Variants in SPANXN4 observed in about 807,000 individuals in gnomAD.
SPANXN4 encodes sperm protein associated with the nucleus on the X chromosome N4.
SPANXN4 carries 5 observed loss-of-function variants against 6.0 expected under a neutral mutation model. The observed-to-expected ratio is 0.83, with a 90% CI of 0.44 to 1.75. The LOEUF (loss-of-function observed/expected upper bound fraction) is 1.75, where lower values mean the gene tolerates loss of function less well. Among genes scored for constraint, SPANXN4 ranks in the 40% most tolerant of loss-of-function variants. The pLI, the probability that SPANXN4 is intolerant of heterozygous loss-of-function variation, is 0.02. For missense variants in SPANXN4, 157 were observed against 108.6 expected (o/e 1.45, Z -1.98); for synonymous variants, 45 against 38.0 (o/e 1.19, Z -0.68).
intron 1 of SPANXN4, among the ~76,000 whole-genome samples, chrX:143,029,715 C>A (rs1263845616): frequency 9.0e-6 from 1 of 110,840 alleles, no homozygotes; most frequent in African/African-American, 3.3e-5. Context: ...AAGGCATGTA[C>A]CTGCTATAAG....
chrX:143,036,663 G>T (rs752714524), downstream of SPANXN4, among the ~76,000 whole-genome samples: 1 of 111,943 alleles, frequency 8.9e-6, no homozygotes, highest in African/African-American at 3.2e-5. Context: ...TTTCTTGAAT[G>T]CTATGGCTTT....
At chrX:143,030,588 A>C (rs1027334542) in intron 1 of SPANXN4, among the ~76,000 whole-genome samples, 1 of 37,443 alleles carries the variant, frequency 2.7e-5, no homozygotes, top group East Asian at 4.6e-4. Context: ...ATTTGACTAC[A>C]TGAAAGCAAA....
intron 2 of SPANXN4, chrX:143,034,311 A>G: frequency 2.8e-6 from 3 of 1,061,664 alleles, no homozygotes; most frequent in Non-Finnish European, 3.8e-6. Context: ...TGAGGAGCTG[A>G]TGACTGTGTA....
downstream of SPANXN4, among the ~76,000 whole-genome samples, chrX:143,038,057 C>T (rs1422035063): frequency 9.0e-6 from 1 of 111,681 alleles, no homozygotes; most frequent in Non-Finnish European, 1.9e-5. Flanking sequence ...AATAGACTTT[C>T]GATAGCAGTT....
chrX:143,028,500 G>T (rs1932790714), intron 1 of SPANXN4, among the ~76,000 whole-genome samples: 1 of 111,003 alleles, frequency 9.0e-6, no homozygotes, highest in Non-Finnish European at 1.9e-5. Flanking sequence ...AATATGGAAG[G>T]CCCACTTAAT....
chrX:143,035,863 G>T (rs1449447291), downstream of SPANXN4, among the ~76,000 whole-genome samples: 1 of 107,971 alleles, frequency 9.3e-6, no homozygotes, highest in South Asian at 4.1e-4. Context: ...CTGTACATTA[G>T]ATCACTAGAC....
At chrX:143,032,025 T>C (rs900233322) in intron 1 of SPANXN4, among the ~76,000 whole-genome samples, 7 of 111,983 alleles carry the variant, frequency 6.3e-5, no homozygotes, top group African/African-American at 1.3e-4. Flanking sequence ...AGGGTCCCTA[T>C]TGGGTTATGG....
At chrX:143,034,068 T>C in exon 2 of SPANXN4, 1 of 1,179,538 alleles carries the variant, frequency 8.5e-7, no homozygotes, top group African/African-American at 1.8e-5. Flanking sequence ...GAACAGAGTT[T>C]GAAAGAGACA....
downstream of SPANXN4, among the ~76,000 whole-genome samples, chrX:143,035,698 A>G (rs1932840299): frequency 9.0e-6 from 1 of 110,574 alleles, no homozygotes; most frequent in Non-Finnish European, 1.9e-5. Flanking sequence ...GGTTTACAAC[A>G]TGTCATTATG....
intron 1 of SPANXN4, among the ~76,000 whole-genome samples, chrX:143,029,067 C>G (rs760299061): frequency 9.0e-6 from 1 of 111,011 alleles, no homozygotes; most frequent in South Asian, 3.8e-4. Context: ...TGGGTATATA[C>G]AGGTTGTATG....
At chrX:143,033,761 C>G (rs1932825527) in intron 1 of SPANXN4, among the ~76,000 whole-genome samples, 2 of 111,465 alleles carry the variant, frequency 1.8e-5, no homozygotes, top group Admixed American at 1.9e-4. Context: ...TGGCCTGAAC[C>G]CCCATGGAAT....
intron 1 of SPANXN4, among the ~76,000 whole-genome samples, chrX:143,026,929 C>T (rs1932782267): frequency 8.9e-6 from 1 of 111,817 alleles, no homozygotes; most frequent in African/African-American, 3.3e-5. Context: ...AAATGTAGAG[C>T]CTGCTTAGTG....
downstream of SPANXN4, chrX:143,034,726 C>T (rs1178450487): frequency 1.8e-6 from 2 of 1,104,270 alleles, no homozygotes; most frequent in Non-Finnish European, 2.4e-6. Context: ...GAACCTCACC[C>T]TACAGAAAGT....
chrX:143,034,635 C>A, exon 3 of SPANXN4: 10 of 1,165,262 alleles, frequency 8.6e-6, no homozygotes, highest in Non-Finnish European at 5.7e-6. Context: ...GAATCACCAC[C>A]TTCAGGCCAC....
chrX:143,028,221 G>A (rs1932788827), intron 1 of SPANXN4, among the ~76,000 whole-genome samples: 1 of 110,799 alleles, frequency 9.0e-6, no homozygotes, highest in Admixed American at 9.6e-5. Context: ...AGGATAACCT[G>A]CTGAGGACCC....
intron 1 of SPANXN4, 91 bp downstream of exon 1, chrX:143,026,183 GACAC>G: frequency 1.3e-6 from 1 of 758,991 alleles, no homozygotes; most frequent in Non-Finnish European, 1.9e-6. Flanking sequence ...GTATACTGCA[GACAC>G]CTGCAGAAAT....
At chrX:143,036,850 T>C (rs1932846137), downstream of SPANXN4, among the ~76,000 whole-genome samples, 1 of 111,535 alleles carries the variant, frequency 9.0e-6, no homozygotes, top group African/African-American at 3.3e-5. Flanking sequence ...GTACCTCGAT[T>C]TGGGGAATAT....
Position 143,026,097 on chromosome X carries a change from G to A in SPANXN4, c.78+5G>A, listed in dbSNP as rs764907184. 3.3e-6 allele frequency: 4 copies of A among 1,201,837 alleles called. No homozygotes were observed. Among genetic ancestry groups the A allele is most frequent in the East Asian group, 3.0e-5 (1 of 33,696 alleles). On this transcript the variant is annotated splice_donor_5th_base_variant and intron_variant, in intron 1 of 2. Coordinates refer to ENST00000370504, the Ensembl canonical transcript of SPANXN4. ...AACAAAAGAAAAGTTGACAAGGTCA[G>A]ATTGTTAGGTTTTGAAGGGAAGGTG... is the stretch of plus-strand genomic sequence containing the variant.
At chrX:143,029,464 T>G (rs1000189910) in intron 1 of SPANXN4, among the ~76,000 whole-genome samples, 1 of 111,029 alleles carries the variant, frequency 9.0e-6, no homozygotes, top group Non-Finnish European at 1.9e-5. Context: ...GGAGCTCAGT[T>G]TTGGTAATGG....
Sources: gnomAD v4.1 joint callset for allele counts (sites outside exome capture counted in the v4.1 genomes callset) on GRCh38, gnomAD v4.1.1 for gene constraint, MANE v1.5 for transcripts, NCBI Gene and HGNC (gene_info 2026-07-23, HGNC 2026-07-21) for gene names.